The following STPG2 variants were observed in gnomAD, a reference collection of about 807,000 sequenced individuals.
The protein encoded by STPG2 is sperm tail PG-rich repeat containing 2.
A neutral mutation model predicts 54.2 loss-of-function variants in STPG2; 56 were observed. The observed-to-expected ratio is 1.03, with a 90% confidence interval of 0.83 to 1.29. STPG2 has a LOEUF of 1.29. Ranked by LOEUF, STPG2 falls within the 50% of genes most tolerant of loss-of-function variation. The pLI is 0.00. For synonymous variants in STPG2, 200 were observed against 181.8 expected, an observed-to-expected ratio of 1.10 and a Z score of -0.81; for missense variants, 596 against 544.9, an observed-to-expected ratio of 1.09 and a Z score of -0.93.
At chr4:97,449,608 T>C (rs1364123204) in intron 4 of STPG2, among the ~76,000 whole-genome samples, 2 of 152,170 alleles carry the variant, frequency 1.3e-5, no homozygotes, top group African/African-American at 4.8e-5. Flanking sequence ...TATGTATTAG[T>C]CCTAACATAG....
At chr4:97,553,164 T>C (rs1264003039) in intron 4 of STPG2, among the ~76,000 whole-genome samples, 9 of 152,222 alleles carry the variant, frequency 5.9e-5, no homozygotes, top group Non-Finnish European at 1.3e-4. Flanking sequence ...TGAATGTTAA[T>C]AGCAAGGATC....
chr4:97,471,974 C>T (rs1188812895), intron 4 of STPG2, among the ~76,000 whole-genome samples: 1 of 152,116 alleles, frequency 6.6e-6, no homozygotes, highest in Non-Finnish European at 1.5e-5. Context: ...ATACATCACA[C>T]AAAATCATAT....
At chr4:97,596,035 A>G (rs112409433) in intron 10 of STPG2, among the ~76,000 whole-genome samples, 1,992 of 152,312 alleles carry the variant, frequency 0.013, 24 homozygotes, top group African/African-American at 0.027. Context: ...CCTCACATGC[A>G]ATAACACACA....
intron 4 of STPG2, among the ~76,000 whole-genome samples, chr4:97,508,098 C>A (rs1020853628): frequency 2.6e-5 from 4 of 152,020 alleles, no homozygotes; most frequent in African/African-American, 9.7e-5. Flanking sequence ...TTATTTCTAT[C>A]ATTCAGGAAA....
intron 4 of STPG2, among the ~76,000 whole-genome samples, chr4:97,452,114 G>GC (rs751089640): frequency 2.8e-3 from 47 of 17,018 alleles, no homozygotes; most frequent in African/African-American, 6.8e-3. Flanking sequence ...CAGGAGCCCC[G>GC]CCCCCACCCC....
In STPG2 at chr4:97,637,865, T is replaced by C. The variant is rs151044236; in HGVS notation, c.1320+74834A>G. Among the ~76,000 whole-genome samples the C allele has an allele frequency of 4.6e-5, 7 of 152,196 alleles. No homozygotes were observed. In the East Asian group the frequency reaches 7.7e-4, roughly 17 times the overall value. The stretch of plus-strand genomic sequence containing the variant: ...AAGAGGATACAAACAAATGGAAGAA[T>C]ATTCCATGCTCATGGGTAGGAAGAA... On this transcript the variant is annotated intron_variant, in intron 10 of 10. Transcript: ENST00000295268.
intron 4 of STPG2, among the ~76,000 whole-genome samples, chr4:97,442,082 C>G (rs1030565969): frequency 1.1e-4 from 17 of 151,148 alleles, no homozygotes; most frequent in African/African-American, 3.4e-4. Context: ...GTACGTGAGA[C>G]TACCTATATG....
At chr4:98,050,433 T>G (rs1448474359) in intron 5 of STPG2, among the ~76,000 whole-genome samples, 1 of 140,624 alleles carries the variant, frequency 7.1e-6, no homozygotes, top group African/African-American at 2.6e-5. Flanking sequence ...TTATTCACAT[T>G]AAGTTTTTTA....
At chr4:98,018,336 A>T (rs1318004072) in intron 5 of STPG2, among the ~76,000 whole-genome samples, 2 of 152,174 alleles carry the variant, frequency 1.3e-5, no homozygotes, top group Non-Finnish European at 2.9e-5. Context: ...GTCCCTACAA[A>T]GGACATGAAC....
intron 10 of STPG2, among the ~76,000 whole-genome samples, chr4:97,614,298 ATTT>A (rs10708905): frequency 6.7e-6 from 1 of 148,446 alleles, no homozygotes; most frequent in Non-Finnish European, 1.5e-5. Flanking sequence ...CTCTAAAGAG[ATTT>A]TTTTTTTTTT....
chr4:97,868,174 T>C (rs1351938574), intron 8 of STPG2, among the ~76,000 whole-genome samples: 1 of 151,990 alleles, frequency 6.6e-6, no homozygotes, highest in Non-Finnish European at 1.5e-5. Context: ...TTTCAGTTCT[T>C]TTATTTATGC....
At position 97,965,531 on chromosome 4, in the gene STPG2, T is replaced by G. The variant is rs1002152643; in HGVS notation, c.933+6749A>C. On this transcript the variant is annotated intron_variant, in intron 7 of 10. Coordinates refer to ENST00000295268, the MANE Select transcript of STPG2 (RefSeq NM_174952.3). Reference sequence around the variant, plus strand: ...ATTTGAACTCTGAGAACAGACAGACTGCCTCCACAAATGGGGCCCTGACCC... The same window carrying G: ...ATTTGAACTCTGAGAACAGACAGACGGCCTCCACAAATGGGGCCCTGACCC... Among the ~76,000 whole-genome samples the G allele has an allele frequency of 5.3e-5, 8 of 152,310 alleles. No individual in the cohort carries two copies. In the Middle Eastern group the frequency reaches 0.01, roughly 194 times the overall value.
intron 8 of STPG2, among the ~76,000 whole-genome samples, chr4:97,904,766 G>A (rs1286999284): frequency 6.6e-6 from 1 of 152,200 alleles, no homozygotes; most frequent in African/African-American, 2.4e-5. Context: ...GCCTAAAGGA[G>A]CTGATGGAGC....
At chr4:97,646,327 T>C (rs886870105) in intron 10 of STPG2, among the ~76,000 whole-genome samples, 6 of 152,174 alleles carry the variant, frequency 3.9e-5, no homozygotes, top group African/African-American at 1.4e-4. Context: ...TAGTTGCATG[T>C]TATCTTCTCA....
chr4:97,649,833 A>G (rs1722015315), intron 10 of STPG2, among the ~76,000 whole-genome samples: 1 of 152,116 alleles, frequency 6.6e-6, no homozygotes. Context: ...GGGGGACGGC[A>G]TGGTTTCAGG....
At chr4:98,060,017 C>T (rs1242096180) in intron 5 of STPG2, among the ~76,000 whole-genome samples, 1 of 152,156 alleles carries the variant, frequency 6.6e-6, no homozygotes, top group African/African-American at 2.4e-5. Flanking sequence ...CAAAGATGAA[C>T]TCTCTCACCA....
chr4:97,844,899 T>A (rs770974852), intron 8 of STPG2, among the ~76,000 whole-genome samples: 10 of 152,044 alleles, frequency 6.6e-5, no homozygotes, highest in Admixed American at 5.9e-4. Context: ...TGATTTCTAT[T>A]GATCTATCTT....
intron 9 of STPG2, among the ~76,000 whole-genome samples, chr4:97,784,818 ATGAAT>A (rs1203112847): frequency 6.6e-6 from 1 of 152,074 alleles, no homozygotes; most frequent in Non-Finnish European, 1.5e-5. Flanking sequence ...TAATCTATGC[ATGAAT>A]TCTTGTTAGA....
At chr4:97,496,885 C>T (rs1350410356) in intron 4 of STPG2, among the ~76,000 whole-genome samples, 1 of 151,454 alleles carries the variant, frequency 6.6e-6, no homozygotes, top group Non-Finnish European at 1.5e-5. Context: ...TGCTGTTATA[C>T]TTTAGACAGA....
Sources: allele counts gnomAD v4.1 joint callset (sites outside exome capture counted in the v4.1 genomes callset), GRCh38; gene constraint gnomAD v4.1.1; transcripts MANE v1.5; gene names NCBI Gene and HGNC (gene_info 2026-07-23, HGNC 2026-07-21).